Variants in CDH3 observed in about 807,000 individuals in gnomAD.
CDH3 encodes cadherin 3, also known as cadherin-3.
A neutral mutation model predicts 82.0 loss-of-function variants in CDH3; 54 were observed. That is an observed-to-expected ratio of 0.66 (90% CI 0.53 to 0.83). The LOEUF is 0.83. CDH3 is among the 40% of genes least tolerant of loss of function. CDH3 has a pLI of 0.00. For missense variants in CDH3, 1,054 were observed against 1,084.6 expected, an observed-to-expected ratio of 0.97 and a Z score of 0.40; for synonymous variants, 446 against 437.9, an observed-to-expected ratio of 1.02 and a Z score of -0.23.
Position 68,724,090 on chromosome 16 carries a change from G to C in CDH3, c.*45+1474G>C, listed in dbSNP as rs187207853. On this transcript the variant is annotated intron_variant, in intron 2 of 2. Coordinates refer to the CDH3 transcript ENST00000569080. ...TCTCAAAAAAAAAAAAAAAAAATTA[G>C]CCGGGTGTGGTGGCGCACACCGTAA... 7.7e-3 allele frequency among the ~76,000 whole-genome samples: 1,005 copies of C among 130,408 alleles called. 10 individuals carry two copies. Among genetic ancestry groups the C allele is most frequent in the African/African-American group, 0.026 (917 of 34,908 alleles). The allele number at this position is 130,408 out of a possible 152,430, so 85.6% of individuals were successfully genotyped here.
chr16:68,710,849 G>T (rs1255164290), intron 1 of CDH3, among the ~76,000 whole-genome samples: 1 of 144,654 alleles, frequency 6.9e-6, no homozygotes, highest in Admixed American at 7.0e-5. Context: ...TGTCTCAGAA[G>T]AAAAAAGGAG....
downstream of CDH3, among the ~76,000 whole-genome samples, chr16:68,703,720 G>A (rs1012541898): frequency 5.9e-5 from 9 of 152,294 alleles, no homozygotes; most frequent in Admixed American, 1.3e-4. Flanking sequence ...GCCGAGGCGG[G>A]TGGAACACCT....
At chr16:68,675,282 G>A (rs916868784) in intron 2 of CDH3, among the ~76,000 whole-genome samples, 16 of 152,272 alleles carry the variant, frequency 1.1e-4, no homozygotes, top group Non-Finnish European at 1.5e-4. Context: ...ATGGACAGGC[G>A]TGGGGCCGTC....
chr16:68,722,955 G>A (rs1037716387), intron 2 of CDH3, among the ~76,000 whole-genome samples: 14 of 151,786 alleles, frequency 9.2e-5, no homozygotes, highest in South Asian at 2.1e-4. Context: ...CACCAGGCCC[G>A]GCTAATTTTT....
intron 2 of CDH3, among the ~76,000 whole-genome samples, chr16:68,649,471 C>T (rs1008713069): frequency 2.4e-4 from 37 of 152,250 alleles, no homozygotes; most frequent in Non-Finnish European, 1.2e-4. Context: ...ATAGATCAGG[C>T]ACTGTTCCAC....
intron 2 of CDH3, among the ~76,000 whole-genome samples, chr16:68,653,366 T>C (rs962429780): frequency 1.4e-4 from 21 of 151,832 alleles, no homozygotes; most frequent in African/African-American, 4.4e-4. Flanking sequence ...CCTTCCCAAG[T>C]AGCTGGGATT....
intron 3 of CDH3, 69 bp from the exon 4 acceptor site, chr16:68,678,065 T>G: frequency 1.4e-6 from 2 of 1,419,844 alleles, no homozygotes; most frequent in Non-Finnish European, 2.0e-6. Flanking sequence ...TTAACTCTTA[T>G]AGGTGAGAGG....
chr16:68,647,352 A>G (rs1194062415), intron 2 of CDH3, among the ~76,000 whole-genome samples: 1 of 147,744 alleles, frequency 6.8e-6, no homozygotes, highest in African/African-American at 2.5e-5. Flanking sequence ...CTACTGAAGC[A>G]AGAAATATCA....
downstream of CDH3, among the ~76,000 whole-genome samples, chr16:68,704,428 C>T (rs2152109218): frequency 6.6e-6 from 1 of 152,196 alleles, no homozygotes; most frequent in South Asian, 2.1e-4. Context: ...ACTGCACTTC[C>T]CAGCAGGAGG....
chr16:68,646,114 A>G, intron 2 of CDH3: 1 of 294,034 alleles, frequency 3.4e-6, no homozygotes, highest in South Asian at 4.2e-5. Flanking sequence ...AGGTGTGGGG[A>G]TGAGCCGTGC....
At position 68,725,535 on chromosome 16, in the gene CDH3, A is replaced by G. The variant is rs552195408; in HGVS notation, c.*46-1618A>G. On this transcript the variant is annotated intron_variant, in intron 2 of 2. Transcript: ENST00000569080. ...TTTTTAGTAGAGACGGGGTTTCACC[A>G]TGTTAGCCAGGATGGTCTCGATCTC... is the stretch of plus-strand genomic sequence containing the variant. Among the ~76,000 whole-genome samples, 218 of 151,806 alleles carry G rather than the reference A, an allele frequency of 1.4e-3. 1 individual carries two copies. The South Asian group carries it at 0.014, about 10-fold the overall frequency.
downstream of CDH3, among the ~76,000 whole-genome samples, chr16:68,728,976 C>T (rs779260893): frequency 2.6e-5 from 4 of 152,094 alleles, no homozygotes; most frequent in African/African-American, 4.8e-5. Context: ...TTGAGGAACG[C>T]GTTTAAGGAC....
At position 68,721,039 on chromosome 16, in the gene CDH3, G is replaced by A. The variant is rs796462259; in HGVS notation, c.100-1386G>A. Among the ~76,000 whole-genome samples, 121 of 152,096 alleles carry A rather than the reference G, an allele frequency of 8.0e-4. 1 individual carries two copies. The highest frequency in any genetic ancestry group is 2.7e-3 in the African/African-American group (110 of 41,468). On this transcript the variant is annotated intron_variant, in intron 1 of 2. Coordinates refer to the CDH3 transcript ENST00000569080. ...ATTTTACTAATTGACAAGAACCTAG[G>A]TGCGCAGAGGTTTCATAAATTGTCA... is the stretch of plus-strand genomic sequence containing the variant.
At chr16:68,713,749 G>C (rs1232786778) in intron 1 of CDH3, among the ~76,000 whole-genome samples, 1 of 151,982 alleles carries the variant, frequency 6.6e-6, no homozygotes, top group Non-Finnish European at 1.5e-5. Context: ...CCTGGCTCCT[G>C]CCCACTGTCC....
chr16:68,706,976 C>T (rs145647639), intron 1 of CDH3, among the ~76,000 whole-genome samples: 7 of 152,164 alleles, frequency 4.6e-5, no homozygotes, highest in Admixed American at 1.3e-4. Context: ...CAGTAAAATA[C>T]GTGGTCTAGT....
intron 11 of CDH3, chr16:68,686,300 G>A (rs575648291): frequency 2.6e-5 from 19 of 745,068 alleles, no homozygotes; most frequent in East Asian, 1.0e-4. Flanking sequence ...GTCTTTTCAC[G>A]TGTCGCCAGG....
chr16:68,698,261 G>A lies in CDH3; in HGVS notation c.2351G>A (p.Gly784Asp). Residue 784 changes from glycine to aspartate, a missense_variant, in exon 16 of 16, where the codon GGC becomes GAC. By Grantham distance (94) the Gly-to-Asp change is moderately conservative (BLOSUM62 -1). Coordinates refer to ENST00000264012, the MANE Select transcript of CDH3 (RefSeq NM_001793.6). ...ACCCTCTTGGTGTTCGACTATGAGG[G>A]CAGCGGCTCCGACGCCGCGTCCCTG... ...YDTLLVFDYEGSGSDAASLSS... is the reference protein window; with the variant it reads ...YDTLLVFDYEDSGSDAASLSS... 6.2e-7 allele frequency: 1 copy of A among 1,614,238 alleles called. No individual in the cohort carries two copies. The highest frequency in any genetic ancestry group is 8.5e-7 in the Non-Finnish European group (1 of 1,180,048).
At chr16:68,728,481 A>G (rs1962249877), downstream of CDH3, among the ~76,000 whole-genome samples, 1 of 152,024 alleles carries the variant, frequency 6.6e-6, no homozygotes, top group African/African-American at 2.4e-5. Context: ...TTTTCAATAG[A>G]GATGGGGTTT....
At chr16:68,692,763 T>C (rs1252535167) in intron 13 of CDH3, among the ~76,000 whole-genome samples, 1 of 152,254 alleles carries the variant, frequency 6.6e-6, no homozygotes, top group African/African-American at 2.4e-5. Context: ...GGTCTTAATA[T>C]AGACAACACA....
Sources: allele counts gnomAD v4.1 joint callset (sites outside exome capture counted in the v4.1 genomes callset), GRCh38; gene constraint gnomAD v4.1.1; transcripts MANE v1.5; gene names NCBI Gene and HGNC (gene_info 2026-07-23, HGNC 2026-07-21).